TCF12: variants seen among roughly 807,000 people sequenced by gnomAD.
TCF12 encodes transcription factor 12.
In TCF12, 45 loss-of-function variants were observed where a neutral mutation model predicts 86.0. The ratio of observed to expected loss-of-function variants is 0.52; its 90% CI spans 0.41 to 0.67. The LOEUF (loss-of-function observed/expected upper bound fraction) is 0.67, where lower values mean the gene tolerates loss of function less well. Ranked by LOEUF, TCF12 falls within the 30% of genes least tolerant of loss-of-function variation. The probability of loss-of-function intolerance (pLI) is 0.00; values close to 1 mark genes in which losing one functional copy is unlikely to be tolerated. For missense variants in TCF12, 881 were observed against 859.9 expected (o/e 1.02, Z -0.31); for synonymous variants, 330 against 299.6 (o/e 1.10, Z -1.05).
rs2052851557 is a variant in TCF12, at chr15:57,140,129, G to A, written c.326-26273G>A. On this transcript the variant is annotated intron_variant, in intron 5 of 20. Coordinates refer to ENST00000333725, the MANE Select transcript of TCF12 (RefSeq NM_207037.2). ...TATGTTCATATCAGCATTATTCCCAGTTAACCAAAGGATGGAAGTAACCAA... is the reference window on the plus strand; with the variant it reads ...TATGTTCATATCAGCATTATTCCCAATTAACCAAAGGATGGAAGTAACCAA... 2.0e-5 allele frequency among the ~76,000 whole-genome samples: 3 copies of A among 152,114 alleles called. No individual in the cohort carries two copies. The South Asian group carries it at 6.2e-4, about 31-fold the overall frequency.
intron 3 of TCF12, among the ~76,000 whole-genome samples, chr15:57,021,739 C>T (rs1202202661): frequency 1.7e-5 from 2 of 116,410 alleles, no homozygotes; most frequent in African/African-American, 7.6e-5. Flanking sequence ...TCCATTTATA[C>T]TTAGATTTTT....
At chr15:57,130,596 A>C (rs1334704716) in intron 5 of TCF12, among the ~76,000 whole-genome samples, 4 of 152,188 alleles carry the variant, frequency 2.6e-5, no homozygotes, top group Admixed American at 2.6e-4. Context: ...GAGAGCCGTC[A>C]ATTTTCTTGT....
At chr15:56,967,063 A>G (rs1451938391) in intron 3 of TCF12, among the ~76,000 whole-genome samples, 1 of 152,196 alleles carries the variant, frequency 6.6e-6, no homozygotes, top group Non-Finnish European at 1.5e-5. Context: ...CAGTGGTTTC[A>G]GTGAGTCGAG....
chr15:57,192,694 G>C (rs1378593137), intron 7 of TCF12, among the ~76,000 whole-genome samples: 2 of 152,130 alleles, frequency 1.3e-5, no homozygotes, highest in African/African-American at 4.8e-5. Context: ...AGCCCTGTCT[G>C]TGCTTTTAAT....
At chr15:57,135,086 G>A (rs2052423773) in intron 5 of TCF12, among the ~76,000 whole-genome samples, 1 of 152,084 alleles carries the variant, frequency 6.6e-6, no homozygotes, top group African/African-American at 2.4e-5. Context: ...ATGCCATATG[G>A]CTCAACATGG....
chr15:57,184,205 A>C (rs1341413555), intron 6 of TCF12, among the ~76,000 whole-genome samples: 4 of 152,306 alleles, frequency 2.6e-5, no homozygotes, highest in African/African-American at 9.6e-5. Context: ...AACAGACCAT[A>C]CGTTTTCTGT....
chr15:56,953,312 A>G (rs879327555), intron 3 of TCF12, among the ~76,000 whole-genome samples: 2 of 151,964 alleles, frequency 1.3e-5, no homozygotes, highest in African/African-American at 2.4e-5. Context: ...GTTTTTTTCA[A>G]TGTTTTTGTC....
At chr15:56,974,243 A>G (rs1205247270) in intron 3 of TCF12, among the ~76,000 whole-genome samples, 1 of 152,126 alleles carries the variant, frequency 6.6e-6, no homozygotes, top group Non-Finnish European at 1.5e-5. Flanking sequence ...ATAAAGTATC[A>G]TGTCTGAAAC....
intron 14 of TCF12, among the ~76,000 whole-genome samples, chr15:57,251,682 AG>A (rs771866385): frequency 7.4e-4 from 113 of 152,226 alleles, no homozygotes; most frequent in Non-Finnish European, 1.3e-3. Flanking sequence ...TGACAAATCT[AG>A]GGCTTAATCT....
At chr15:56,948,167 G>A (rs2061096848) in intron 3 of TCF12, among the ~76,000 whole-genome samples, 1 of 151,722 alleles carries the variant, frequency 6.6e-6, no homozygotes, top group South Asian at 2.1e-4. Flanking sequence ...TGTTGCCCAG[G>A]CTGGAATGCA....
At chr15:57,279,282 T>C (rs1294067615) in intron 19 of TCF12, among the ~76,000 whole-genome samples, 1 of 152,208 alleles carries the variant, frequency 6.6e-6, no homozygotes, top group African/African-American at 2.4e-5. Flanking sequence ...GTCATAATAA[T>C]GTAAGAAGTG....
chr15:57,260,420 A>C (rs1483847374), intron 16 of TCF12, among the ~76,000 whole-genome samples: 1 of 152,240 alleles, frequency 6.6e-6, no homozygotes, highest in African/African-American at 2.4e-5. Flanking sequence ...ATAGCTATAA[A>C]ATGTTTCACA....
chr15:56,946,902 A>G (rs906317949), intron 3 of TCF12, among the ~76,000 whole-genome samples: 2 of 144,968 alleles, frequency 1.4e-5, no homozygotes, highest in East Asian at 2.0e-4. Flanking sequence ...AGTTCAAGCT[A>G]TTCTCCTGCT....
intron 4 of TCF12, among the ~76,000 whole-genome samples, chr15:57,067,367 C>A (rs1010786742): frequency 6.6e-6 from 1 of 151,230 alleles, no homozygotes; most frequent in Non-Finnish European, 1.5e-5. Flanking sequence ...GGTGAAACCC[C>A]GTCTCTACTA....
intron 5 of TCF12, among the ~76,000 whole-genome samples, chr15:57,103,750 T>A (rs137936614): frequency 2.6e-5 from 4 of 152,146 alleles, no homozygotes; most frequent in African/African-American, 9.7e-5. Flanking sequence ...ATTGCACTCA[T>A]TAAAACTTAC....
chr15:57,197,743 C>T (rs2057341993), intron 7 of TCF12, 30 bp from the exon 8 acceptor site: 1 of 1,610,506 alleles, frequency 6.2e-7, no homozygotes, highest in South Asian at 1.1e-5. Flanking sequence ...GTATATTATG[C>T]TGAAGAAATG....
rs545262134 is a variant in TCF12, at chr15:57,226,701, G to A, written c.580-4451G>A. On this transcript the variant is annotated intron_variant, in intron 8 of 20. Coordinates refer to ENST00000333725, the MANE Select transcript of TCF12 (RefSeq NM_207037.2). ...TGTTTCAGAATGTAGGCTGACTTTG[G>A]TTTTCTTAGGCCTTGAAGCACATAA... is the stretch of plus-strand genomic sequence containing the variant. 5.9e-5 allele frequency among the ~76,000 whole-genome samples: 9 copies of A among 152,162 alleles called. No individual in the cohort carries two copies. The East Asian group carries it at 1.5e-3, about 26-fold the overall frequency.
chr15:57,174,716 A>G (rs2055781955), intron 6 of TCF12, among the ~76,000 whole-genome samples: 1 of 152,216 alleles, frequency 6.6e-6, no homozygotes. Context: ...AATTAATTGT[A>G]TTTCTGTACA....
chr15:57,184,921 A>G (rs1367151497), intron 6 of TCF12, among the ~76,000 whole-genome samples: 1 of 152,134 alleles, frequency 6.6e-6, no homozygotes, highest in Non-Finnish European at 1.5e-5. Flanking sequence ...TTATATTTAT[A>G]TTGATCATTT....
Sources: gnomAD v4.1 joint callset for allele counts (sites outside exome capture counted in the v4.1 genomes callset) on GRCh38, gnomAD v4.1.1 for gene constraint, MANE v1.5 for transcripts, NCBI Gene and HGNC (gene_info 2026-07-23, HGNC 2026-07-21) for gene names.